PTCHD4: variants seen among roughly 807,000 people sequenced by gnomAD.
PTCHD4 encodes the protein patched domain-containing protein 4.
In PTCHD4, 33 loss-of-function variants were observed where a neutral mutation model predicts 58.1. The observed-to-expected ratio is 0.57, with a 90% CI of 0.43 to 0.76. The LOEUF is 0.76. PTCHD4 is among the 30% of genes least tolerant of loss of function. The probability of loss-of-function intolerance (pLI) is 0.00; values close to 1 mark genes in which losing one functional copy is unlikely to be tolerated. For synonymous variants in PTCHD4, 478 were observed against 409.6 expected (o/e 1.17, Z -2.02); for missense variants, 1,058 against 1,027.1 (o/e 1.03, Z -0.41).
chr6:47,887,248 T>C (rs1233796374), intron 4 of PTCHD4, among the ~76,000 whole-genome samples: 2 of 149,646 alleles, frequency 1.3e-5, no homozygotes, highest in Non-Finnish European at 3.0e-5. Flanking sequence ...ATTTACTCTA[T>C]ACATTTTTAA....
intron 4 of PTCHD4, among the ~76,000 whole-genome samples, chr6:48,004,486 C>T (rs1218978810): frequency 2.6e-5 from 4 of 152,098 alleles, no homozygotes; most frequent in African/African-American, 7.2e-5. Context: ...AGAGGAAACA[C>T]ATCCACATAA....
chr6:47,965,465 A>G (rs920508463), intron 4 of PTCHD4, among the ~76,000 whole-genome samples: 5 of 152,262 alleles, frequency 3.3e-5, no homozygotes, highest in Non-Finnish European at 7.3e-5. Context: ...TAGTACAGAC[A>G]GAATGATTTC....
intron 4 of PTCHD4, among the ~76,000 whole-genome samples, chr6:47,917,180 T>C (rs1765285445): frequency 6.6e-6 from 1 of 152,148 alleles, no homozygotes; most frequent in Non-Finnish European, 1.5e-5. Flanking sequence ...TTTCAAAATT[T>C]AATTTATATA....
chr6:47,946,217 G>A (rs1766412919), intron 4 of PTCHD4, among the ~76,000 whole-genome samples: 1 of 151,878 alleles, frequency 6.6e-6, no homozygotes, highest in African/African-American at 2.4e-5. Context: ...GAGTAAATTT[G>A]TTCATTGTGT....
rs774813039 is a variant in PTCHD4 at position 47,873,263 on chromosome 6, C to G, written c.*5040G>C. Among the ~76,000 whole-genome samples, 10 of 151,724 alleles carry G rather than the reference C, an allele frequency of 6.6e-5. No homozygotes were observed. The highest frequency in any genetic ancestry group is 1.0e-4 in the Non-Finnish European group (7 of 67,770). ...TAGTTTTGCAACACCACGTGATTCTCTCTGCTGTATTCTAAATCACAGAAT... is the reference window on the plus strand; with the variant it reads ...TAGTTTTGCAACACCACGTGATTCTGTCTGCTGTATTCTAAATCACAGAAT... On this transcript the variant is annotated 3_prime_UTR_variant, in exon 5 of 5. Coordinates refer to ENST00000339488, the MANE Select transcript of PTCHD4 (RefSeq NM_001384253.1).
chr6:47,977,619 T>C (rs1186056543), intron 4 of PTCHD4, among the ~76,000 whole-genome samples: 1 of 152,248 alleles, frequency 6.6e-6, no homozygotes. Context: ...TCCTAATCTC[T>C]AGAAACTTTA....
chr6:47,887,626 T>C (rs552528546), intron 4 of PTCHD4, among the ~76,000 whole-genome samples: 1 of 152,338 alleles, frequency 6.6e-6, no homozygotes, highest in East Asian at 1.9e-4. Context: ...AAATTACTTG[T>C]TCTATGTTGT....
chr6:48,055,831 G>C (rs369515275), intron 3 of PTCHD4, among the ~76,000 whole-genome samples: 2 of 152,164 alleles, frequency 1.3e-5, no homozygotes, highest in Non-Finnish European at 1.5e-5. Flanking sequence ...TGTTATGCAG[G>C]CTCTGCCTCA....
chr6:48,021,644 T>A (rs1218206594), intron 3 of PTCHD4, among the ~76,000 whole-genome samples: 1 of 152,142 alleles, frequency 6.6e-6, no homozygotes, highest in Non-Finnish European at 1.5e-5. Flanking sequence ...CAGATAGTTG[T>A]AATTGCTGAA....
chr6:48,102,859 G>A (rs1012591570), intron 1 of PTCHD4, among the ~76,000 whole-genome samples: 10 of 152,346 alleles, frequency 6.6e-5, no homozygotes, highest in African/African-American at 2.2e-4. Flanking sequence ...CTCATTGCTA[G>A]CACAGCAGTC....
intron 4 of PTCHD4, among the ~76,000 whole-genome samples, chr6:47,914,948 C>A (rs1765198719): frequency 6.6e-6 from 1 of 152,054 alleles, no homozygotes; most frequent in African/African-American, 2.4e-5. Context: ...AATGTTCTTT[C>A]TTCTCTCCTC....
At chr6:47,899,139 A>G (rs1764619069) in intron 4 of PTCHD4, among the ~76,000 whole-genome samples, 4 of 152,238 alleles carry the variant, frequency 2.6e-5, no homozygotes, top group African/African-American at 7.2e-5. Flanking sequence ...TCTATAAAAT[A>G]TCACATCCGC....
At chr6:48,060,039 G>A (rs77272388) in intron 3 of PTCHD4, among the ~76,000 whole-genome samples, 1 of 152,210 alleles carries the variant, frequency 6.6e-6, no homozygotes, top group African/African-American at 2.4e-5. Context: ...ATGTGATTGT[G>A]TGTGTGTGTG....
chr6:48,082,456 A>G (rs1765184770), intron 1 of PTCHD4, among the ~76,000 whole-genome samples: 1 of 152,182 alleles, frequency 6.6e-6, no homozygotes, highest in Non-Finnish European at 1.5e-5. Context: ...CATATTTCTT[A>G]AACAGATGAA....
At position 48,069,202 on chromosome 6, in the gene PTCHD4, G is replaced by A. The variant is rs1193330850; in HGVS notation, c.-245C>T. Among the ~76,000 whole-genome samples the A allele has an allele frequency of 7.5e-6, 1 of 132,862 alleles. No homozygotes were observed. The highest frequency in any genetic ancestry group is 2.8e-5 in the African/African-American group (1 of 36,360). 87.2% of individuals were successfully genotyped at this position (132,862 alleles called of 152,430 possible). ...GGCGGGAGCACGTTGGGGGTGGGGG[G>A]GCAGATAAGCTTTTTTCTTTTTTTA... On this transcript the variant is annotated 5_prime_UTR_variant, in exon 2 of 5. Transcript: ENST00000339488.
At chr6:48,067,689 C>T (rs1764845903) in intron 3 of PTCHD4, among the ~76,000 whole-genome samples, 2 of 152,142 alleles carry the variant, frequency 1.3e-5, no homozygotes, top group African/African-American at 4.8e-5. Context: ...ATAAGAAATA[C>T]ATTGAGCCCC....
rs143487261 is a variant in PTCHD4 at position 47,864,272 on chromosome 6, C to T, written c.*14031G>A. Among the ~76,000 whole-genome samples, 42 of 151,360 alleles carry T rather than the reference C, an allele frequency of 2.8e-4. No homozygotes were observed. In the East Asian group the frequency reaches 7.7e-3, roughly 28 times the overall value. ...TTGATACATGCTTAAGTGGGAGAATCGCTGCTCTATAAATGGAGCCCATTA... is the reference window on the plus strand; with the variant it reads ...TTGATACATGCTTAAGTGGGAGAATTGCTGCTCTATAAATGGAGCCCATTA... On this transcript the variant is annotated 3_prime_UTR_variant, in exon 5 of 5. Coordinates refer to ENST00000339488, the MANE Select transcript of PTCHD4 (RefSeq NM_001384253.1).
intron 1 of PTCHD4, among the ~76,000 whole-genome samples, chr6:48,104,406 G>T (rs960085641): frequency 2.6e-5 from 4 of 152,192 alleles, no homozygotes; most frequent in Non-Finnish European, 4.4e-5. Context: ...AATGCTGAGA[G>T]ATTTTGTCAC....
Position 48,008,943 on chromosome 6 carries a change from T to G in PTCHD4, c.589A>C (p.Lys197Gln). 3 of 1,613,936 alleles carry G rather than the reference T, an allele frequency of 1.9e-6. No individual in the cohort carries two copies. The highest frequency in any genetic ancestry group is 1.7e-6 in the Non-Finnish European group (2 of 1,179,868). Residue 197 changes from lysine to glutamine, a missense_variant, in exon 4 of 5, where the codon AAG (lysine) becomes CAG (glutamine). Transcript: ENST00000339488. The stretch of plus-strand genomic sequence containing the variant: ...TCCTCCTGGAGCTTCCTTATAAGCT[T>G]ACAGAACTCATTCTCCCACTTCTCC... ...IGEKWENEFC[K>Q]LIRKLQEEHQ...
Sources: allele counts gnomAD v4.1 joint callset (sites outside exome capture counted in the v4.1 genomes callset), GRCh38; gene constraint gnomAD v4.1.1; transcripts MANE v1.5; gene names NCBI Gene and HGNC (gene_info 2026-07-23, HGNC 2026-07-21).